Variants in NUSAP1 observed in about 807,000 individuals in gnomAD.
NUSAP1 encodes the protein nucleolar and spindle associated protein 1, also known as nucleolar and spindle-associated protein 1.
Under a neutral mutation model 52.8 loss-of-function variants are expected in NUSAP1, and 32 were observed. The observed-to-expected ratio is 0.61, with a 90% CI of 0.46 to 0.81. NUSAP1 has a LOEUF of 0.81. Among genes scored for constraint, NUSAP1 ranks in the 40% least tolerant of loss-of-function variants. The pLI, the probability that NUSAP1 is intolerant of heterozygous loss-of-function variation, is 0.00. For missense variants in NUSAP1, 499 were observed against 522.3 expected (o/e 0.96, Z 0.43); for synonymous variants, 195 against 183.1 (o/e 1.06, Z -0.52).
intron 8 of NUSAP1, among the ~76,000 whole-genome samples, chr15:41,372,913 C>A (rs1351487386): frequency 6.6e-6 from 1 of 151,994 alleles, no homozygotes. Flanking sequence ...CATGGTGAAA[C>A]CCCAACTCTA....
Position 41,349,107 on chromosome 15 carries a change from C to A in NUSAP1, c.172C>A (p.Gln58Lys). The part of the protein sequence containing the change: ...RKGNENQDES[Q>K]TSASSCDETE... ...ATACCTCTCTTTTCAGGATGAAAGT[C>A]AAACTTCTGCATCCTCTTGTGATGA... is the stretch of plus-strand genomic sequence containing the variant. The change falls in exon 3 of 11, where the codon CAA (glutamine) becomes AAA (lysine). Residue 58 changes from glutamine (Q) to lysine (K), a missense_variant. Transcript: ENST00000559596. The A allele has an allele frequency of 1.2e-6, 2 of 1,613,634 alleles. No individual in the cohort carries two copies. The highest frequency in any genetic ancestry group is 2.2e-5 in the South Asian group (2 of 90,998).
rs1352681470 is a variant in NUSAP1, at chr15:41,351,136, G to A, written c.448+7G>A. On this transcript the variant is annotated splice_region_variant and intron_variant, in intron 4 of 10. Coordinates refer to ENST00000559596, the MANE Select transcript of NUSAP1 (RefSeq NM_016359.5). Reference sequence around the variant, plus strand: ...GAGAATGCTGTTTCCTCAGGTAAACGTGGAATAAATGGTATGTCAAGTAAC... The same window carrying A: ...GAGAATGCTGTTTCCTCAGGTAAACATGGAATAAATGGTATGTCAAGTAAC... The A allele has an allele frequency of 1.2e-6, 2 of 1,604,068 alleles. No individual in the cohort carries two copies. Among genetic ancestry groups the A allele is most frequent in the Admixed American group, 1.8e-5 (1 of 56,884 alleles).
Position 41,380,085 on chromosome 15 carries a change from C to G in NUSAP1, c.1233-8C>G. 6.4e-7 allele frequency: 1 copy of G among 1,566,880 alleles called. No homozygotes were observed. The highest frequency in any genetic ancestry group is 8.7e-7 in the Non-Finnish European group (1 of 1,155,274). On this transcript the variant is annotated splice_region_variant and splice_polypyrimidine_tract_variant and intron_variant, in intron 10 of 10. Coordinates refer to ENST00000559596, the MANE Select transcript of NUSAP1 (RefSeq NM_016359.5). ...CCTAGAGCTTAATGTGTGACCTATC[C>G]CTCTCAGGGAAGAGCAACGGAAGAA... is the stretch of plus-strand genomic sequence containing the variant.
chr15:41,355,926 C>T (rs2048952222), intron 4 of NUSAP1, 113 bp from the exon 5 acceptor site: 2 of 620,884 alleles, frequency 3.2e-6, no homozygotes, highest in South Asian at 3.6e-5. Flanking sequence ...GATCCACCCG[C>T]CTCGGCCTCC....
chr15:41,341,480 C>T (rs1204653984), intron 1 of NUSAP1, among the ~76,000 whole-genome samples: 1 of 152,094 alleles, frequency 6.6e-6, no homozygotes, highest in Admixed American at 6.6e-5. Context: ...TGTTCCCTTC[C>T]CCCGGCAGAG....
chr15:41,360,867 T>C (rs1200026904), intron 6 of NUSAP1, among the ~76,000 whole-genome samples: 4 of 148,638 alleles, frequency 2.7e-5, no homozygotes, highest in Non-Finnish European at 5.9e-5. Flanking sequence ...CGATCTTGGC[T>C]CACTGCAACC....
Position 41,371,662 on chromosome 15 carries a change from C to T in NUSAP1, c.984C>T (p.Thr328=). 1.3e-6 allele frequency: 2 copies of T among 1,583,600 alleles called. No homozygotes were observed. The highest frequency in any genetic ancestry group is 1.7e-6 in the Non-Finnish European group (2 of 1,171,982). The part of the protein sequence containing the change: ...EAVLGTHKLK[T]ITGNSAAVIT... ...TGCTTGGGACACACAAATTAAAGACCATCACGGGGAATTCTGCTGCTGGTA... is the reference window on the plus strand; with the variant it reads ...TGCTTGGGACACACAAATTAAAGACTATCACGGGGAATTCTGCTGCTGGTA... The change falls in exon 8 of 11, where the codon ACC becomes ACT. Residue 328 remains threonine, a synonymous_variant. Transcript: ENST00000559596.
chr15:41,364,905 T>C (rs1484316368), intron 6 of NUSAP1, among the ~76,000 whole-genome samples: 1 of 151,342 alleles, frequency 6.6e-6, no homozygotes, highest in Non-Finnish European at 1.5e-5. Flanking sequence ...CCTGGGTCCA[T>C]AGCAGCCGGG....
chr15:41,348,350 G>A (rs1429623512), intron 2 of NUSAP1, among the ~76,000 whole-genome samples: 1 of 151,870 alleles, frequency 6.6e-6, no homozygotes, highest in South Asian at 2.1e-4. Flanking sequence ...AAATGCTGGG[G>A]TTACAGGTGT....
At chr15:41,378,944 G>GTTTTTTTGTTTTTTTTTTTTT (rs2050093187) in intron 10 of NUSAP1, among the ~76,000 whole-genome samples, 1 of 63,270 alleles carries the variant, frequency 1.6e-5, no homozygotes, top group Admixed American at 2.5e-4. Flanking sequence ...ACTTATCTTG[G>GTTTTTTTGTTTTTTTTTTTTT]TTTTTTTTTT....
chr15:41,364,154 G>C (rs961229179), intron 6 of NUSAP1, among the ~76,000 whole-genome samples: 1 of 152,098 alleles, frequency 6.6e-6, no homozygotes, highest in Non-Finnish European at 1.5e-5. Context: ...TTAATAAACT[G>C]TATATAACGT....
chr15:41,347,235 G>T (rs896281075), intron 2 of NUSAP1, among the ~76,000 whole-genome samples: 2 of 152,174 alleles, frequency 1.3e-5, no homozygotes, highest in African/African-American at 4.8e-5. Flanking sequence ...AGACTATCAA[G>T]GGATGGCCTG....
At chr15:41,366,856 AATTTT>A (rs1214705162) in intron 7 of NUSAP1, among the ~76,000 whole-genome samples, 1 of 152,138 alleles carries the variant, frequency 6.6e-6, no homozygotes, top group African/African-American at 2.4e-5. Flanking sequence ...CACCTCTTCC[AATTTT>A]ATAGAGGAGG....
intron 4 of NUSAP1, among the ~76,000 whole-genome samples, chr15:41,353,443 A>G (rs1333517504): frequency 6.6e-6 from 1 of 152,140 alleles, no homozygotes; most frequent in African/African-American, 2.4e-5. Context: ...AACCCTGCCA[A>G]ATATCCTGTT....
chr15:41,371,846 C>T (rs1363286824), intron 8 of NUSAP1, among the ~76,000 whole-genome samples, 162 bp downstream of exon 8: 1 of 152,094 alleles, frequency 6.6e-6, no homozygotes, highest in Admixed American at 6.6e-5. Flanking sequence ...TCTCGGCTCA[C>T]TGCAACCTCT....
chr15:41,361,791 T>C (rs1209549154), intron 6 of NUSAP1, among the ~76,000 whole-genome samples: 4 of 152,154 alleles, frequency 2.6e-5, no homozygotes, highest in Admixed American at 2.0e-4. Flanking sequence ...TCACCCTGAA[T>C]GTTTAAGGAA....
At chr15:41,350,463 T>A (rs752470312) in intron 3 of NUSAP1, among the ~76,000 whole-genome samples, 2 of 151,874 alleles carry the variant, frequency 1.3e-5, no homozygotes, top group Non-Finnish European at 2.9e-5. Flanking sequence ...CTTTTTTTTT[T>A]CTTTCAACCT....
In NUSAP1 at chr15:41,375,695, T is replaced by C. The variant is rs199967496; in HGVS notation, c.1007-17T>C. ...TGTTTCTAATTAAGCTCTTGGGTTT[T>C]TTCGGTGTGTTTTTAGTTATTACCC... On this transcript the variant is annotated splice_polypyrimidine_tract_variant and intron_variant, in intron 8 of 10. Coordinates refer to ENST00000559596, the MANE Select transcript of NUSAP1 (RefSeq NM_016359.5). 71 of 1,515,090 alleles carry C rather than the reference T, an allele frequency of 4.7e-5. No homozygotes were observed. The East Asian group carries it at 1.0e-3, about 22-fold the overall frequency. 93.9% of individuals were successfully genotyped at this position (1,515,090 alleles called of 1,614,324 possible). A position where few individuals can be genotyped will look rare whatever the true frequency, so the allele number is the denominator to read the frequency against.
chr15:41,356,995 T>G (rs2048998639), intron 5 of NUSAP1, among the ~76,000 whole-genome samples: 1 of 152,176 alleles, frequency 6.6e-6, no homozygotes, highest in Non-Finnish European at 1.5e-5. Flanking sequence ...ACAGTTGGGG[T>G]CAGCAAACTG....
Sources: gnomAD v4.1 joint callset for allele counts (sites outside exome capture counted in the v4.1 genomes callset) on GRCh38, gnomAD v4.1.1 for gene constraint, MANE v1.5 for transcripts, NCBI Gene and HGNC (gene_info 2026-07-23, HGNC 2026-07-21) for gene names.